Variants in MTFR1 observed in about 807,000 individuals in gnomAD.
MTFR1 encodes mitochondrial fission regulator 1, also known as chondrocyte protein with a poly-proline region.
Under a neutral mutation model 38.8 loss-of-function variants are expected in MTFR1, and 28 were observed. That is an observed-to-expected ratio of 0.72 (90% confidence interval 0.53 to 0.99). The LOEUF is 0.99. MTFR1 is among the 50% of genes least tolerant of loss of function. MTFR1 has a pLI of 0.00. For missense variants in MTFR1, 358 were observed against 395.5 expected (o/e 0.91, Z 0.81); for synonymous variants, 145 against 137.0 (o/e 1.06, Z -0.41).
At chr8:65,674,553 A>G (rs1219341019) in intron 2 of MTFR1, among the ~76,000 whole-genome samples, 1 of 152,158 alleles carries the variant, frequency 6.6e-6, no homozygotes, top group East Asian at 1.9e-4. Context: ...CAGAGATTGC[A>G]GTCAACTGAG....
At chr8:65,739,110 C>T (rs1807284700) in intron 3 of MTFR1, among the ~76,000 whole-genome samples, 1 of 152,240 alleles carries the variant, frequency 6.6e-6, no homozygotes, top group African/African-American at 2.4e-5. Context: ...TTTGAACCAG[C>T]TCGGCTAATT....
At chr8:65,739,049 G>A (rs1807277914) in intron 3 of MTFR1, among the ~76,000 whole-genome samples, 1 of 152,242 alleles carries the variant, frequency 6.6e-6, no homozygotes, top group African/African-American at 2.4e-5. Context: ...TCTGAGCCCA[G>A]GGCTCCAGCG....
chr8:65,662,675 C>A (rs1212215539), intron 1 of MTFR1, among the ~76,000 whole-genome samples: 1 of 140,214 alleles, frequency 7.1e-6, no homozygotes, highest in African/African-American at 2.6e-5. Flanking sequence ...GCAACCGCCC[C>A]GTCTGAGAAG....
At chr8:65,772,088 A>T (rs963871038), downstream of MTFR1, among the ~76,000 whole-genome samples, 1 of 152,146 alleles carries the variant, frequency 6.6e-6, no homozygotes, top group African/African-American at 2.4e-5. Context: ...GGATTTAATG[A>T]GACTGGATTT....
chr8:65,712,889 G>A (rs78748261), downstream of MTFR1, among the ~76,000 whole-genome samples: 12,491 of 152,228 alleles, frequency 0.082, 550 homozygotes, highest in African/African-American at 0.11. Context: ...TTCTTTTACT[G>A]ATTTCAACTA....
intron 3 of MTFR1, among the ~76,000 whole-genome samples, chr8:65,744,188 T>C (rs1807567909): frequency 6.6e-6 from 1 of 151,340 alleles, no homozygotes; most frequent in Non-Finnish European, 1.5e-5. Context: ...ATATTTCAAA[T>C]AAGAGATGCT....
chr8:65,707,809 AT>A, intron 6 of MTFR1, 33 bp from the exon 7 acceptor site: 1 of 1,606,146 alleles, frequency 6.2e-7, no homozygotes, highest in Non-Finnish European at 8.5e-7. Flanking sequence ...CAGTGTATTG[AT>A]CTGTCCCCTT....
chr8:65,769,416 A>G (rs1021207634), intron 3 of MTFR1, among the ~76,000 whole-genome samples: 31 of 152,232 alleles, frequency 2.0e-4, no homozygotes, highest in African/African-American at 7.5e-4. Context: ...ACTAACCCTG[A>G]GAGCATATTT....
chr8:65,695,209 G>A (rs77067159), intron 4 of MTFR1, among the ~76,000 whole-genome samples: 2,424 of 152,286 alleles, frequency 0.016, 74 homozygotes, highest in African/African-American at 0.054. Flanking sequence ...TCAAAGCCAA[G>A]TGAGATTCAT....
At chr8:65,704,327 A>T (rs1805714338) in intron 4 of MTFR1, among the ~76,000 whole-genome samples, 1 of 152,260 alleles carries the variant, frequency 6.6e-6, no homozygotes, top group Admixed American at 6.5e-5. Context: ...AGATATAGAA[A>T]GTTAATCCTT....
intron 3 of MTFR1, among the ~76,000 whole-genome samples, chr8:65,739,839 C>T (rs889775395): frequency 6.6e-6 from 1 of 152,104 alleles, no homozygotes; most frequent in African/African-American, 2.4e-5. Context: ...GAAAACTAGA[C>T]ATTTTCAAAT....
chr8:65,673,017 G>A (rs1804604933), intron 2 of MTFR1, among the ~76,000 whole-genome samples: 1 of 152,064 alleles, frequency 6.6e-6, no homozygotes, highest in African/African-American at 2.4e-5. Context: ...CTTTTCCTTT[G>A]CATTCACAAC....
At position 65,649,799 on chromosome 8, in the gene MTFR1, C is replaced by T. The variant is rs539394831; in HGVS notation, c.-81+5015C>T. Among the ~76,000 whole-genome samples, 6 of 151,858 alleles carry T rather than the reference C, an allele frequency of 4.0e-5. 1 individual carries two copies. Among genetic ancestry groups the T allele is most frequent in the African/African-American group, 1.4e-4 (6 of 41,388 alleles). ...CCTACTCCATCTCCCCCCACCCCCC[C>T]ACACTGTCCTTTGCAGCACCTGATA... On this transcript the variant is annotated intron_variant, in intron 1 of 7. Coordinates refer to ENST00000262146, the MANE Select transcript of MTFR1 (RefSeq NM_014637.4).
intron 6 of MTFR1, 99 bp from the exon 7 acceptor site, chr8:65,707,744 T>C (rs1192301215): frequency 2.1e-6 from 3 of 1,442,292 alleles, no homozygotes; most frequent in Non-Finnish European, 2.8e-6. Context: ...GTAGCTATGA[T>C]GCTGGAGAGG....
intron 3 of MTFR1, chr8:65,725,710 C>T (rs968513740): frequency 2.0e-5 from 3 of 152,016 alleles, no homozygotes; most frequent in African/African-American, 4.8e-5. Flanking sequence ...TTAAAACAAA[C>T]CCTAAATGAA....
intron 3 of MTFR1, chr8:65,734,956 T>C (rs1022028964): frequency 5.7e-6 from 6 of 1,047,760 alleles, no homozygotes; most frequent in South Asian, 1.3e-5. Flanking sequence ...AGGACAAAAA[T>C]TGTGATAATT....
chr8:65,713,439 AACACACACACACACACACACACACACAC>A (rs144454204), downstream of MTFR1, among the ~76,000 whole-genome samples: 5 of 137,556 alleles, frequency 3.6e-5, no homozygotes, highest in East Asian at 9.5e-4. Context: ...TCCCATCTCA[AACACACACACACACACACACACACACAC>A]ACACACACAC....
At chr8:65,764,428 C>A (rs1325068197) in intron 3 of MTFR1, among the ~76,000 whole-genome samples, 2 of 152,092 alleles carry the variant, frequency 1.3e-5, no homozygotes, top group Non-Finnish European at 2.9e-5. Flanking sequence ...CTTTCGCAGA[C>A]CAAACAGATA....
intron 7 of MTFR1, 72 bp from the exon 8 acceptor site, chr8:65,708,904 T>G: frequency 7.0e-7 from 1 of 1,427,546 alleles, no homozygotes; most frequent in Non-Finnish European, 9.9e-7. Flanking sequence ...TAATCCATGA[T>G]TGGGAGGTGG....
Sources: gnomAD v4.1 joint callset for allele counts (sites outside exome capture counted in the v4.1 genomes callset) on GRCh38, gnomAD v4.1.1 for gene constraint, MANE v1.5 for transcripts, NCBI Gene and HGNC (gene_info 2026-07-23, HGNC 2026-07-21) for gene names.